Variants in GABRA3 observed in about 807,000 individuals in gnomAD.
GABRA3 encodes the protein gamma-aminobutyric acid type A receptor subunit alpha3, also known as gamma-aminobutyric acid receptor subunit alpha-3.
In GABRA3, 10 loss-of-function variants were observed where a neutral mutation model predicts 30.1. That is an observed-to-expected ratio of 0.33 (90% CI 0.20 to 0.56). The LOEUF (loss-of-function observed/expected upper bound fraction) is 0.56. Among genes scored for constraint, GABRA3 ranks in the 20% least tolerant of loss-of-function variants. GABRA3 has a pLI of 0.89. For synonymous variants in GABRA3, 151 were observed against 146.8 expected, an observed-to-expected ratio of 1.03 and a Z score of -0.21; for missense variants, 233 against 392.0, an observed-to-expected ratio of 0.59 and a Z score of 3.42.
At chrX:152,394,988 T>C (rs1335899879) in intron 1 of GABRA3, among the ~76,000 whole-genome samples, 2 of 111,310 alleles carry the variant, frequency 1.8e-5, no homozygotes, top group Admixed American at 1.9e-4. Flanking sequence ...ATGACACAGG[T>C]GCAGATGGAC....
chrX:152,365,425 T>C lies in GABRA3; in HGVS notation c.-26-829A>G, dbSNP rs375848805. ...TGGTGATAGAACTAGTGATATGGAG[T>C]TCCCTATAAGGAAGGCTGTTTTATG... On this transcript the variant is annotated intron_variant, in intron 1 of 9. Transcript: ENST00000370314. Among the ~76,000 whole-genome samples, 9 of 110,911 alleles carry C rather than the reference T, an allele frequency of 8.1e-5. No homozygotes were observed. The South Asian group carries it at 3.4e-3, about 42-fold the overall frequency.
chrX:152,432,475 A>G (rs1930671423), intron 1 of GABRA3, among the ~76,000 whole-genome samples: 1 of 111,951 alleles, frequency 8.9e-6, no homozygotes, highest in African/African-American at 3.2e-5. Flanking sequence ...TCATAAAAGA[A>G]TATTATGAAC....
At chrX:152,354,035 A>G (rs761391012) in intron 2 of GABRA3, among the ~76,000 whole-genome samples, 5 of 112,080 alleles carry the variant, frequency 4.5e-5, no homozygotes, top group African/African-American at 1.6e-4. Flanking sequence ...AACATGGTCT[A>G]CCCAGCTATG....
intron 6 of GABRA3, among the ~76,000 whole-genome samples, chrX:152,223,093 A>G (rs748437177): frequency 5.2e-4 from 58 of 111,721 alleles, no homozygotes; most frequent in Non-Finnish European, 9.4e-4. Flanking sequence ...TATGAGCCCT[A>G]TGCCCAGCAA....
At chrX:152,173,265 A>G (rs1218943569) in intron 9 of GABRA3, among the ~76,000 whole-genome samples, 1 of 109,737 alleles carries the variant, frequency 9.1e-6, no homozygotes, top group African/African-American at 3.3e-5. Context: ...TATCTAGAGC[A>G]TAAGTGTGGA....
intron 1 of GABRA3, among the ~76,000 whole-genome samples, chrX:152,375,209 C>A (rs752743119): frequency 6.3e-5 from 7 of 111,995 alleles, no homozygotes; most frequent in Non-Finnish European, 1.3e-4. Context: ...AGGCATCACA[C>A]TCCCCGCTTC....
chrX:152,439,270 T>G (rs1376060245), intron 1 of GABRA3, among the ~76,000 whole-genome samples: 2 of 110,464 alleles, frequency 1.8e-5, no homozygotes, highest in African/African-American at 6.6e-5. Context: ...GTAGCTGAGA[T>G]TACAGACGCC....
At chrX:152,384,806 A>G (rs1603251921) in intron 1 of GABRA3, among the ~76,000 whole-genome samples, 2 of 112,277 alleles carry the variant, frequency 1.8e-5, no homozygotes, top group East Asian at 5.6e-4. Flanking sequence ...GAAAGTGAGT[A>G]AACAACAAAT....
Position 152,277,945 on chromosome X carries a change from C to T in GABRA3, c.330+6723G>A, listed in dbSNP as rs73623019. Among the ~76,000 whole-genome samples, 638 of 111,445 alleles carry T rather than the reference C, an allele frequency of 5.7e-3. 6 individuals are homozygous for T. Among genetic ancestry groups the T allele is most frequent in the African/African-American group, 0.02 (622 of 30,685 alleles). On this transcript the variant is annotated intron_variant, in intron 4 of 9. Transcript: ENST00000370314. ...TTTAGCAGTGTATGGGGCCAAGGCA[C>T]GTGATAACTGCATTACAATGAAGGC...
chrX:152,441,026 G>A (rs113715828), intron 1 of GABRA3, among the ~76,000 whole-genome samples: 2,298 of 93,190 alleles, frequency 0.025, 77 homozygotes, highest in African/African-American at 0.087. Context: ...AAAAAAAAAA[G>A]AAAAGAAAAA....
chrX:152,199,354 G>C (rs1378026040), intron 7 of GABRA3, among the ~76,000 whole-genome samples: 1 of 104,762 alleles, frequency 9.5e-6, no homozygotes, highest in Non-Finnish European at 2.0e-5. Flanking sequence ...CAACAGGCGA[G>C]ACTCTGTCTC....
chrX:152,200,184 G>A (rs1312214397), intron 7 of GABRA3, among the ~76,000 whole-genome samples: 1 of 111,734 alleles, frequency 8.9e-6, no homozygotes, highest in Non-Finnish European at 1.9e-5. Flanking sequence ...AAAGACCCTT[G>A]CGATATGCCT....
At position 152,168,416 on chromosome X, in the gene GABRA3, T is replaced by C. The variant is rs1195099913; in HGVS notation, c.1291A>G (p.Ile431Val). Residue 431 changes from isoleucine (I) to valine (V), a missense_variant, in exon 10 of 10, where the codon ATT becomes GTT. Ile to Val is a conservative substitution (Grantham distance 29, BLOSUM62 3). Coordinates refer to ENST00000370314, the MANE Select transcript of GABRA3 (RefSeq NM_000808.4). ...APSASSTPTI[I>V]ASPKATYVQD... Reference sequence around the variant, plus strand: ...ACGTAGGTGGCCTTGGGTGAAGCAATGATTGTTGGGGTTGAGGAGGCACTG... The same window carrying C: ...ACGTAGGTGGCCTTGGGTGAAGCAACGATTGTTGGGGTTGAGGAGGCACTG... The C allele has an allele frequency of 1.7e-6, 2 of 1,211,578 alleles. No individual in the cohort carries two copies. The highest frequency in any genetic ancestry group is 4.3e-5 in the Admixed American group (2 of 46,004).
At position 152,221,304 on chromosome X, in the gene GABRA3, A is replaced by C. The variant is rs777039939; in HGVS notation, c.634+3459T>G. 1.8e-3 allele frequency among the ~76,000 whole-genome samples: 192 copies of C among 108,264 alleles called. 2 individuals are homozygous for C. The highest frequency in any genetic ancestry group is 5.4e-3 in the South Asian group (14 of 2,601). The allele number at this position is 108,264 out of a possible 115,157, so 94.0% of individuals were successfully genotyped here. ...TTTATTTTTGTTTATCATGTGATGT[A>C]AGAGTCAAGATGAATCTCTCTCTCT... On this transcript the variant is annotated intron_variant, in intron 6 of 9. Coordinates refer to ENST00000370314, the MANE Select transcript of GABRA3 (RefSeq NM_000808.4).
intron 8 of GABRA3, among the ~76,000 whole-genome samples, chrX:152,195,933 A>G (rs1937379100): frequency 1.8e-5 from 2 of 111,250 alleles, no homozygotes; most frequent in South Asian, 7.7e-4. Flanking sequence ...TAAAAAGTCA[A>G]ACTCTTGTTT....
At position 152,418,545 on chromosome X, in the gene GABRA3, G is replaced by A. The variant is rs774342908; in HGVS notation, c.-27+32601C>T. 1.6e-3 allele frequency among the ~76,000 whole-genome samples: 176 copies of A among 111,565 alleles called. 1 individual carries two copies. The highest frequency in any genetic ancestry group is 2.8e-3 in the Non-Finnish European group (150 of 53,022). Reference sequence around the variant, plus strand: ...AGCCATTATCAGAGAGAAATTTATAGGCTTAGATACATGTATTTGAAAAGA... The same window carrying A: ...AGCCATTATCAGAGAGAAATTTATAAGCTTAGATACATGTATTTGAAAAGA... On this transcript the variant is annotated intron_variant, in intron 1 of 9. Coordinates refer to ENST00000370314, the MANE Select transcript of GABRA3 (RefSeq NM_000808.4).
At chrX:152,309,284 A>G (rs1939765845) in intron 3 of GABRA3, among the ~76,000 whole-genome samples, 1 of 111,934 alleles carries the variant, frequency 8.9e-6, no homozygotes, top group African/African-American at 3.2e-5. Flanking sequence ...CAGGAAATTT[A>G]TAGAATCCCT....
chrX:152,321,294 C>G (rs754297315), intron 3 of GABRA3, among the ~76,000 whole-genome samples: 1 of 111,899 alleles, frequency 8.9e-6, no homozygotes, highest in Non-Finnish European at 1.9e-5. Flanking sequence ...TCTGATTGTC[C>G]TAGTTCCACC....
chrX:152,450,443 G>A (rs1335759444), intron 1 of GABRA3, among the ~76,000 whole-genome samples: 2 of 106,882 alleles, frequency 1.9e-5, no homozygotes, highest in Admixed American at 1.0e-4. Flanking sequence ...CTGGAATTGA[G>A]GGTGGGCAGG....
Sources: allele counts gnomAD v4.1 joint callset (sites outside exome capture counted in the v4.1 genomes callset), GRCh38; gene constraint gnomAD v4.1.1; transcripts MANE v1.5; gene names NCBI Gene and HGNC (gene_info 2026-07-23, HGNC 2026-07-21).